Variants in RYR3 observed in about 807,000 individuals in gnomAD.
RYR3 encodes the protein ryanodine receptor 3, also known as brain ryanodine receptor-calcium release channel.
RYR3 carries 207 observed loss-of-function variants against 584.3 expected under a neutral mutation model. The ratio of observed to expected loss-of-function variants is 0.35; its 90% CI spans 0.32 to 0.40. RYR3 has a LOEUF of 0.40. Ranked by LOEUF, RYR3 falls within the 10% of genes least tolerant of loss-of-function variation. The pLI is 1.00. For missense variants in RYR3, 5,616 were observed against 6,089.2 expected (o/e 0.92, Z 2.59); for synonymous variants, 2,416 against 2,248.5 (o/e 1.07, Z -2.11).
At chr15:33,507,529 A>G (rs964997189) in intron 3 of RYR3, among the ~76,000 whole-genome samples, 1 of 152,242 alleles carries the variant, frequency 6.6e-6, no homozygotes, top group African/African-American at 2.4e-5. Context: ...TACAGTTTGA[A>G]GTAAAATTCC....
intron 62 of RYR3, among the ~76,000 whole-genome samples, chr15:33,769,890 A>G (rs917259137): frequency 1.3e-5 from 2 of 152,138 alleles, no homozygotes; most frequent in Non-Finnish European, 2.9e-5. Context: ...TGGAGGTTGC[A>G]GTGAGCTGAG....
At chr15:33,602,978 C>A (rs2059744678) in intron 17 of RYR3, 145 bp from the exon 18 acceptor site, 1 of 831,188 alleles carries the variant, frequency 1.2e-6, no homozygotes, top group African/African-American at 1.7e-5. Context: ...TTTTAGAGAT[C>A]CCTCCCATCT....
chr15:33,344,170 C>G (rs1037138495), intron 1 of RYR3, among the ~76,000 whole-genome samples: 1 of 152,164 alleles, frequency 6.6e-6, no homozygotes, highest in Non-Finnish European at 1.5e-5. Context: ...ACTCATTGCT[C>G]TGGTTGAAGG....
chr15:33,641,057 C>T (rs1457762819), intron 27 of RYR3, among the ~76,000 whole-genome samples: 2 of 152,192 alleles, frequency 1.3e-5, no homozygotes, highest in Non-Finnish European at 2.9e-5. Flanking sequence ...TTTTCCTCTA[C>T]GGGGCCTGGA....
chr15:33,684,440 T>G (rs1313890512), intron 38 of RYR3, among the ~76,000 whole-genome samples: 1 of 144,206 alleles, frequency 6.9e-6, no homozygotes. Context: ...CAGAAAAGAA[T>G]AGCATCAACA....
chr15:33,820,718 T>C, intron 77 of RYR3, 38 bp from the exon 78 acceptor site: 1 of 1,554,396 alleles, frequency 6.4e-7, no homozygotes, highest in Non-Finnish European at 8.8e-7. Context: ...TTTAATTTGA[T>C]TGTCTGTCTT....
At chr15:33,493,025 A>G (rs1168627664) in intron 2 of RYR3, among the ~76,000 whole-genome samples, 1 of 152,180 alleles carries the variant, frequency 6.6e-6, no homozygotes, top group Non-Finnish European at 1.5e-5. Flanking sequence ...TGGGAAAGGA[A>G]TACATGGGAG....
At chr15:33,601,275 C>A in intron 16 of RYR3, 144 bp from the exon 17 acceptor site, 2 of 758,736 alleles carry the variant, frequency 2.6e-6, no homozygotes, top group Non-Finnish European at 2.1e-6. Flanking sequence ...GGGTAAGAGG[C>A]AAAGCTTCCT....
intron 1 of RYR3, among the ~76,000 whole-genome samples, chr15:33,353,651 A>C (rs932631529): frequency 2.0e-5 from 3 of 152,224 alleles, no homozygotes; most frequent in African/African-American, 7.2e-5. Context: ...CTTTAAAATC[A>C]GGGGTTGAAT....
intron 1 of RYR3, among the ~76,000 whole-genome samples, chr15:33,413,263 T>C (rs1347774677): frequency 1.3e-5 from 2 of 152,200 alleles, no homozygotes; most frequent in Non-Finnish European, 2.9e-5. Context: ...CCTCAAAAGA[T>C]TTGTCTTGGG....
chr15:33,577,348 C>T (rs548894060), intron 12 of RYR3, among the ~76,000 whole-genome samples: 1 of 152,268 alleles, frequency 6.6e-6, no homozygotes, highest in Non-Finnish European at 1.5e-5. Flanking sequence ...AGAGGCATCA[C>T]ACTACCCAAC....
intron 2 of RYR3, among the ~76,000 whole-genome samples, chr15:33,487,693 TC>T (rs2050580664): frequency 6.6e-6 from 1 of 152,160 alleles, no homozygotes; most frequent in Admixed American, 6.5e-5. Context: ...AGGCCGTTGT[TC>T]CTGTTGTGCC....
intron 12 of RYR3, among the ~76,000 whole-genome samples, chr15:33,569,029 T>C (rs1427692224): frequency 6.6e-6 from 1 of 152,256 alleles, no homozygotes; most frequent in Non-Finnish European, 1.5e-5. Context: ...CTTGTGTGTG[T>C]GTGTGCGTGT....
At position 33,721,377 on chromosome 15, in the gene RYR3, C is replaced by T. The variant is rs138349036; in HGVS notation, c.6620-1338C>T. Reference sequence around the variant, plus strand: ...AAGGCAGGACCACCTAGCTTAGCGACTTCAAAATCCCTGACCGATACAAAT... The same window carrying T: ...AAGGCAGGACCACCTAGCTTAGCGATTTCAAAATCCCTGACCGATACAAAT... On this transcript the variant is annotated intron_variant, in intron 43 of 103. Transcript: ENST00000634891. Among the ~76,000 whole-genome samples the T allele has an allele frequency of 1.3e-4, 20 of 152,344 alleles. No homozygotes were observed. The East Asian group carries it at 2.9e-3, about 22-fold the overall frequency.
intron 2 of RYR3, among the ~76,000 whole-genome samples, chr15:33,479,352 C>A (rs1485104284): frequency 6.6e-6 from 1 of 151,682 alleles, no homozygotes. Context: ...CTTCTTTGAA[C>A]TTCTGATGTA....
chr15:33,619,731 C>T (rs558093084), intron 19 of RYR3, among the ~76,000 whole-genome samples: 51 of 152,304 alleles, frequency 3.3e-4, no homozygotes, highest in Middle Eastern at 3.4e-3. Context: ...GAGGCAGCTG[C>T]TTCTCCACAT....
chr15:33,495,832 G>C (rs929637209), intron 2 of RYR3, among the ~76,000 whole-genome samples: 1 of 152,200 alleles, frequency 6.6e-6, no homozygotes, highest in African/African-American at 2.4e-5. Flanking sequence ...ATCTGGTTAA[G>C]ATGAGGTATA....
At chr15:33,721,988 A>T (rs952868022) in intron 43 of RYR3, among the ~76,000 whole-genome samples, 10 of 152,226 alleles carry the variant, frequency 6.6e-5, no homozygotes, top group Non-Finnish European at 1.3e-4. Context: ...GTTTAGGAAT[A>T]ACCAATAAAA....
chr15:33,689,267 T>C (rs1192758599), intron 38 of RYR3, among the ~76,000 whole-genome samples: 1 of 151,234 alleles, frequency 6.6e-6, no homozygotes, highest in Admixed American at 6.6e-5. Flanking sequence ...AAATACCTAA[T>C]GTAAATGACG....
Sources: allele counts gnomAD v4.1 joint callset (sites outside exome capture counted in the v4.1 genomes callset), GRCh38; gene constraint gnomAD v4.1.1; transcripts MANE v1.5; gene names NCBI Gene and HGNC (gene_info 2026-07-23, HGNC 2026-07-21).